MRTFA: variants seen among roughly 807,000 people sequenced by gnomAD.
MRTFA encodes myocardin-related transcription factor A.
Under a neutral mutation model 83.5 loss-of-function variants are expected in MRTFA, and 20 were observed. The ratio of observed to expected loss-of-function variants is 0.24; its 90% CI spans 0.17 to 0.35. The LOEUF (loss-of-function observed/expected upper bound fraction) is 0.35. Among genes scored for constraint, MRTFA ranks in the 10% least tolerant of loss-of-function variants. MRTFA has a pLI of 1.00. For missense variants in MRTFA, 1,200 were observed against 1,224.7 expected, an observed-to-expected ratio of 0.98 and a Z score of 0.30; for synonymous variants, 659 against 541.2, an observed-to-expected ratio of 1.22 and a Z score of -3.02.
At chr22:40,417,986 T>C (rs1050335876) in intron 12 of MRTFA, among the ~76,000 whole-genome samples, 1 of 152,118 alleles carries the variant, frequency 6.6e-6, no homozygotes, top group African/African-American at 2.4e-5. Flanking sequence ...GAGAGGACCC[T>C]GAGCTGGATC....
At chr22:40,486,281 A>G (rs563079722) in intron 3 of MRTFA, among the ~76,000 whole-genome samples, 2 of 152,336 alleles carry the variant, frequency 1.3e-5, no homozygotes, top group East Asian at 1.9e-4. Context: ...CCCACCTGCA[A>G]GCCCGAACAG....
chr22:40,513,401 G>C (rs1215579381), intron 3 of MRTFA, among the ~76,000 whole-genome samples: 1 of 151,996 alleles, frequency 6.6e-6, no homozygotes, highest in Non-Finnish European at 1.5e-5. Context: ...AGGAGTTCGA[G>C]ACCAGCCTGG....
At chr22:40,495,032 CTT>C (rs74569238) in intron 3 of MRTFA, among the ~76,000 whole-genome samples, 4 of 146,984 alleles carry the variant, frequency 2.7e-5, no homozygotes, top group African/African-American at 7.5e-5. Flanking sequence ...CTGATCTCAA[CTT>C]TTTTTTTTTT....
intron 1 of MRTFA, among the ~76,000 whole-genome samples, chr22:40,612,156 A>G (rs1474034219): frequency 1.3e-5 from 2 of 152,236 alleles, no homozygotes; most frequent in African/African-American, 4.8e-5. Flanking sequence ...ACAATGAGCA[A>G]GTACTTTATT....
In MRTFA at chr22:40,418,607, G is replaced by T; in HGVS notation, c.2131C>A (p.Pro711Thr). ...GGGGGCCCCGGGGCCACAGCACAAG[G>T]GTCTATGTGGTTGGTGGCTGGGGCC... The change falls in exon 12 of 15, where the codon CCT (proline) becomes ACT (threonine). Residue 711 changes from proline (P) to threonine (T), a missense_variant. Around this residue, in one of 2 missense-constraint regions of MRTFA, gnomAD observed 1,107 missense variants for 1,041.8 expected, o/e 1.06. Transcript: ENST00000355630. The T allele has an allele frequency of 6.5e-7, 1 of 1,537,812 alleles. No homozygotes were observed. The highest frequency in any genetic ancestry group is 8.7e-7 in the Non-Finnish European group (1 of 1,148,242).
At chr22:40,481,615 G>C (rs934259706) in intron 3 of MRTFA, among the ~76,000 whole-genome samples, 1 of 152,034 alleles carries the variant, frequency 6.6e-6, no homozygotes, top group Non-Finnish European at 1.5e-5. Context: ...CACAGAGAAG[G>C]CCCTTTTGAA....
At chr22:40,476,143 C>CAAA (rs35917164) in intron 3 of MRTFA, among the ~76,000 whole-genome samples, 1 of 88,056 alleles carries the variant, frequency 1.1e-5, no homozygotes, top group Non-Finnish European at 2.3e-5. Flanking sequence ...GACTCCGTCT[C>CAAA]AAAAAAAAAA....
At chr22:40,622,837 G>A (rs945636889) in intron 1 of MRTFA, among the ~76,000 whole-genome samples, 1 of 152,224 alleles carries the variant, frequency 6.6e-6, no homozygotes, top group African/African-American at 2.4e-5. Flanking sequence ...ATTTCTTACA[G>A]CAGTCACAGG....
chr22:40,499,134 C>A (rs909972219), intron 3 of MRTFA, among the ~76,000 whole-genome samples: 5 of 152,202 alleles, frequency 3.3e-5, no homozygotes, highest in Non-Finnish European at 5.9e-5. Context: ...AAATTCACAT[C>A]TTAGTGAATT....
chr22:40,611,455 G>T (rs998646751), intron 1 of MRTFA, among the ~76,000 whole-genome samples: 2 of 151,660 alleles, frequency 1.3e-5, no homozygotes, highest in African/African-American at 4.8e-5. Flanking sequence ...GTGTTGCCCA[G>T]GCTGGTCTCG....
intron 3 of MRTFA, among the ~76,000 whole-genome samples, chr22:40,532,859 C>G (rs1479831162): frequency 3.3e-5 from 5 of 152,296 alleles, no homozygotes; most frequent in Middle Eastern, 3.4e-3. Context: ...CAAGAAAACA[C>G]TACAGATTAC....
intron 2 of MRTFA, chr22:40,587,448 G>A (rs562301267): frequency 6.7e-5 from 23 of 344,044 alleles, no homozygotes; most frequent in Non-Finnish European, 1.2e-4. Flanking sequence ...GCTCTCATTT[G>A]CTGAGAGGCA....
intron 1 of MRTFA, among the ~76,000 whole-genome samples, chr22:40,609,237 G>A (rs1341609436): frequency 6.6e-6 from 1 of 150,470 alleles, no homozygotes; most frequent in African/African-American, 2.5e-5. Flanking sequence ...GTTGCAGTGT[G>A]CTGAGATCAC....
chr22:40,487,391 G>C (rs910083351), intron 3 of MRTFA, among the ~76,000 whole-genome samples: 1 of 152,138 alleles, frequency 6.6e-6, no homozygotes, highest in Non-Finnish European at 1.5e-5. Context: ...GCCAGAACTG[G>C]AGTCATTAGT....
chr22:40,430,218 T>C (rs566394542), intron 6 of MRTFA, among the ~76,000 whole-genome samples: 1 of 152,348 alleles, frequency 6.6e-6, no homozygotes, highest in South Asian at 2.1e-4. Context: ...CTGGGCGTGG[T>C]GGCTCACGCT....
intron 3 of MRTFA, among the ~76,000 whole-genome samples, chr22:40,485,552 G>A (rs569537152): frequency 9.2e-5 from 14 of 152,274 alleles, no homozygotes; most frequent in African/African-American, 3.4e-4. Context: ...CCTAAGGAGT[G>A]TATCACACCT....
chr22:40,581,393 T>C (rs2055945699), intron 2 of MRTFA, among the ~76,000 whole-genome samples: 1 of 152,224 alleles, frequency 6.6e-6, no homozygotes, highest in South Asian at 2.1e-4. Context: ...AGGACATTCA[T>C]CACCTTCACA....
chr22:40,444,688 G>C (rs2053343154), intron 4 of MRTFA, among the ~76,000 whole-genome samples: 2 of 152,092 alleles, frequency 1.3e-5, no homozygotes, highest in Admixed American at 6.6e-5. Flanking sequence ...TCAGAGAAGG[G>C]ATATGTGGCA....
At chr22:40,563,503 G>GAAAAAAAA (rs55787923) in intron 2 of MRTFA, among the ~76,000 whole-genome samples, 2 of 89,902 alleles carry the variant, frequency 2.2e-5, no homozygotes, top group Non-Finnish European at 2.4e-5. Flanking sequence ...CACAGATACA[G>GAAAAAAAA]AAAAAAAAAA....
Sources: allele counts gnomAD v4.1 joint callset (sites outside exome capture counted in the v4.1 genomes callset), GRCh38; gene constraint gnomAD v4.1.1; regional missense constraint gnomAD v4.1.1; transcripts MANE v1.5; gene names NCBI Gene and HGNC (gene_info 2026-07-23, HGNC 2026-07-21).